Variants in GALNT13 observed in about 807,000 individuals in gnomAD.
GALNT13 encodes UDP-GalNAc:polypeptide N-acetylgalactosaminyltransferase 13.
A neutral mutation model predicts 64.2 loss-of-function variants in GALNT13; 28 were observed. The observed-to-expected ratio is 0.44, with a 90% confidence interval of 0.32 to 0.60. The LOEUF (loss-of-function observed/expected upper bound fraction) is 0.60. Among genes scored for constraint, GALNT13 ranks in the 20% least tolerant of loss-of-function variants. GALNT13 has a pLI of 0.05. For missense variants in GALNT13, 577 were observed against 669.8 expected, an observed-to-expected ratio of 0.86 and a Z score of 1.53; for synonymous variants, 214 against 224.6, an observed-to-expected ratio of 0.95 and a Z score of 0.42.
Position 154,073,382 on chromosome 2 carries a change from A to C in GALNT13, c.143-66955A>C, listed in dbSNP as rs116335364. Among the ~76,000 whole-genome samples, 1,234 of 152,130 alleles carry C rather than the reference A, an allele frequency of 8.1e-3. 14 individuals are homozygous for C. Among genetic ancestry groups the C allele is most frequent in the African/African-American group, 0.028 (1,144 of 41,562 alleles). On this transcript the variant is annotated intron_variant, in intron 3 of 12. Coordinates refer to ENST00000392825, the MANE Select transcript of GALNT13 (RefSeq NM_052917.4). Reference sequence around the variant, plus strand: ...TCTGTGAAAATATAGGAAGTGAGTCATTCGAATAAAACAAGTAACTATTTA... The same window carrying C: ...TCTGTGAAAATATAGGAAGTGAGTCCTTCGAATAAAACAAGTAACTATTTA...
intron 3 of GALNT13, among the ~76,000 whole-genome samples, chr2:154,136,439 C>T (rs1027018922): frequency 6.6e-6 from 1 of 151,884 alleles, no homozygotes; most frequent in African/African-American, 2.4e-5. Context: ...GTTCATTTCT[C>T]TTTTTTCAAA....
the GALNT13 span, among the ~76,000 whole-genome samples, chr2:153,268,122 A>G: frequency 6.6e-6 from 1 of 152,162 alleles, no homozygotes. Context: ...ATTACCCAAA[A>G]ATCCAAGTCC....
At chr2:153,474,355 C>G in the GALNT13 span, among the ~76,000 whole-genome samples, 11,397 of 152,166 alleles carry the variant, frequency 0.075, 509 homozygotes, top group South Asian at 0.15. Flanking sequence ...GTGTGTCTTT[C>G]CCTTCCTAAT....
At chr2:153,273,538 A>G in the GALNT13 span, among the ~76,000 whole-genome samples, 2 of 152,184 alleles carry the variant, frequency 1.3e-5, no homozygotes, top group Admixed American at 6.5e-5. Flanking sequence ...TGAAATTGCC[A>G]TTTATAGAAG....
intron 8 of GALNT13, among the ~76,000 whole-genome samples, chr2:154,285,610 T>C (rs369575287): frequency 1.3e-5 from 2 of 152,196 alleles, no homozygotes; most frequent in Non-Finnish European, 1.5e-5. Context: ...GCTTTTTTGA[T>C]TTATAATAGC....
intron 4 of GALNT13, among the ~76,000 whole-genome samples, chr2:154,177,387 A>G (rs1685711149): frequency 6.6e-6 from 1 of 152,146 alleles, no homozygotes; most frequent in African/African-American, 2.4e-5. Flanking sequence ...TGAAAAAGCC[A>G]TGGTTGCCAG....
At chr2:153,732,271 A>G in the GALNT13 span, among the ~76,000 whole-genome samples, 2 of 152,000 alleles carry the variant, frequency 1.3e-5, no homozygotes, top group Admixed American at 6.6e-5. Context: ...TTCTTGTTTC[A>G]GTGTCTTTTG....
intron 11 of GALNT13, among the ~76,000 whole-genome samples, chr2:154,426,118 A>G (rs1273000294): frequency 1.3e-5 from 2 of 152,046 alleles, no homozygotes; most frequent in African/African-American, 4.8e-5. Context: ...TGTGATCTCA[A>G]CTCAGCCTCA....
the GALNT13 span, among the ~76,000 whole-genome samples, chr2:153,372,474 C>T: frequency 1.3e-5 from 2 of 151,936 alleles, no homozygotes; most frequent in Non-Finnish European, 2.9e-5. Flanking sequence ...GGTGAAACCC[C>T]GTCTCTACTA....
At chr2:153,357,010 G>T in the GALNT13 span, among the ~76,000 whole-genome samples, 2 of 151,870 alleles carry the variant, frequency 1.3e-5, no homozygotes, top group Non-Finnish European at 2.9e-5. Context: ...GGGTTTCACC[G>T]TGTTAGCCAG....
chr2:154,218,743 C>T (rs1688175978), intron 4 of GALNT13, among the ~76,000 whole-genome samples: 1 of 152,078 alleles, frequency 6.6e-6, no homozygotes, highest in Non-Finnish European at 1.5e-5. Context: ...ATAAGTTCCT[C>T]TTTTGCCTTT....
chr2:154,370,636 T>A (rs1174382505), intron 9 of GALNT13, among the ~76,000 whole-genome samples: 1 of 152,066 alleles, frequency 6.6e-6, no homozygotes, highest in East Asian at 1.9e-4. Context: ...AAGAACATTT[T>A]GGGGTTGGGT....
the GALNT13 span, among the ~76,000 whole-genome samples, chr2:153,167,018 A>G: frequency 3.3e-5 from 5 of 152,234 alleles, no homozygotes; most frequent in African/African-American, 1.2e-4. Flanking sequence ...ACTCTGAAGC[A>G]GAGAACCCAG....
intron 7 of GALNT13, among the ~76,000 whole-genome samples, chr2:154,250,547 T>A (rs1302743960): frequency 6.6e-6 from 1 of 152,082 alleles, no homozygotes; most frequent in Non-Finnish European, 1.5e-5. Context: ...AATTATGCAT[T>A]TGAATATGAA....
the GALNT13 span, among the ~76,000 whole-genome samples, chr2:153,634,252 C>A: frequency 6.6e-6 from 1 of 151,954 alleles, no homozygotes; most frequent in Non-Finnish European, 1.5e-5. Flanking sequence ...AGTAATTAAC[C>A]AAATTAGAAC....
chr2:153,093,236 C>CTTTTTTTT, the GALNT13 span, among the ~76,000 whole-genome samples: 59 of 128,996 alleles, frequency 4.6e-4, 3 homozygotes, highest in Non-Finnish European at 7.6e-4. Context: ...TTTTTCTTTT[C>CTTTTTTTT]TTTTCTTTTT....
intron 9 of GALNT13, among the ~76,000 whole-genome samples, chr2:154,343,972 G>A (rs926432173): frequency 5.3e-5 from 8 of 151,916 alleles, no homozygotes; most frequent in African/African-American, 1.9e-4. Flanking sequence ...GAATATTTCA[G>A]CAAGTGGCAC....
chr2:154,363,392 G>A (rs996236134), intron 9 of GALNT13, among the ~76,000 whole-genome samples: 1 of 152,042 alleles, frequency 6.6e-6, no homozygotes, highest in Non-Finnish European at 1.5e-5. Flanking sequence ...CAAATGTTCT[G>A]ATTATTTATT....
chr2:153,672,992 C>T, the GALNT13 span, among the ~76,000 whole-genome samples: 1 of 152,134 alleles, frequency 6.6e-6, no homozygotes, highest in Non-Finnish European at 1.5e-5. Flanking sequence ...CATACACCCT[C>T]TCAAGACTAA....
Sources: gnomAD v4.1 joint callset for allele counts (sites outside exome capture counted in the v4.1 genomes callset) on GRCh38, gnomAD v4.1.1 for gene constraint, MANE v1.5 for transcripts, NCBI Gene and HGNC (gene_info 2026-07-23, HGNC 2026-07-21) for gene names.